Variants in PRKDC observed in about 807,000 individuals in gnomAD.
PRKDC encodes protein kinase, DNA-activated, catalytic subunit.
PRKDC carries 82 observed loss-of-function variants against 486.9 expected under a neutral mutation model. The ratio of observed to expected loss-of-function variants is 0.17; its 90% CI spans 0.14 to 0.20. The LOEUF (loss-of-function observed/expected upper bound fraction) is 0.20, where lower values mean the gene tolerates loss of function less well. PRKDC is among the 10% of genes least tolerant of loss of function. The pLI, the probability that PRKDC is intolerant of heterozygous loss-of-function variation, is 1.00. For synonymous variants in PRKDC, 1,895 were observed against 1,837.0 expected (o/e 1.03, Z -0.81); for missense variants, 4,504 against 5,038.2 (o/e 0.89, Z 3.21).
At position 47,900,355 on chromosome 8, in the gene PRKDC, C is replaced by CAG; in HGVS notation, c.3364+17_3364+18insCT. On this transcript the variant is annotated intron_variant, in intron 28 of 85. Coordinates refer to ENST00000314191, the MANE Select transcript of PRKDC (RefSeq NM_006904.7). ...CTTCAGACCTGTAACGCACACAGAACACTGAAGCAAAACGTACCTAAGGAC... is the reference window on the plus strand; with the variant it reads ...CTTCAGACCTGTAACGCACACAGAACAGACTGAAGCAAAACGTACCTAAGGAC... The CAG allele has an allele frequency of 1.9e-6, 3 of 1,586,498 alleles. No homozygotes were observed. The highest frequency in any genetic ancestry group is 2.6e-6 in the Non-Finnish European group (3 of 1,165,446).
chr8:47,924,384 C>A (rs11998483), intron 21 of PRKDC, among the ~76,000 whole-genome samples: 4,323 of 151,824 alleles, frequency 0.028, 212 homozygotes, highest in African/African-American at 0.097. Flanking sequence ...CATAGTGAGA[C>A]CCCCATCTCT....
At chr8:47,929,798 A>T in intron 18 of PRKDC, 55 bp downstream of exon 18, 1 of 1,480,904 alleles carries the variant, frequency 6.8e-7, no homozygotes, top group South Asian at 1.3e-5. Context: ...ATACATTTAT[A>T]TATACTCATG....
At chr8:47,870,266 C>T (rs1175063897) in intron 40 of PRKDC, among the ~76,000 whole-genome samples, 1 of 152,200 alleles carries the variant, frequency 6.6e-6, no homozygotes, top group East Asian at 1.9e-4. Flanking sequence ...TCAGGTCTGA[C>T]CTCATGCAGT....
Position 47,794,357 on chromosome 8 carries a change from T to C in PRKDC, c.10603A>G (p.Ile3535Val), listed in dbSNP as rs902880539. Reference protein sequence around the residue: ...YPQAIVYPFIISSESYSFKDT... With the variant: ...YPQAIVYPFIVSSESYSFKDT... ...TTGAAGGAATAGCTTTCGCTGCTTA[T>C]GATGAAGGGATAAACAATAGCCTGC... The change falls in exon 74 of 86, where the codon ATA (isoleucine) becomes GTA (valine). Residue 3535 changes from isoleucine (I) to valine (V), a missense_variant. Transcript: ENST00000314191. 1.2e-6 allele frequency: 2 copies of C among 1,613,854 alleles called. No individual in the cohort carries two copies. Among genetic ancestry groups the C allele is most frequent in the Admixed American group, 1.7e-5 (1 of 60,002 alleles).
intron 11 of PRKDC, among the ~76,000 whole-genome samples, chr8:47,938,665 G>T (rs924563204): frequency 1.3e-5 from 2 of 152,020 alleles, no homozygotes; most frequent in Non-Finnish European, 2.9e-5. Flanking sequence ...GAGTTTAAGA[G>T]ATTCTCCTGC....
chr8:47,878,877 A>G (rs756900170), intron 39 of PRKDC, among the ~76,000 whole-genome samples: 4 of 152,200 alleles, frequency 2.6e-5, no homozygotes, highest in Non-Finnish European at 5.9e-5. Flanking sequence ...ACACCAATGT[A>G]TTTCATGTCT....
intron 3 of PRKDC, among the ~76,000 whole-genome samples, chr8:47,956,460 G>C (rs1440102375): frequency 6.6e-6 from 1 of 151,508 alleles, no homozygotes; most frequent in Non-Finnish European, 1.5e-5. Flanking sequence ...TTTGGGAGGC[G>C]GAGACGGGAA....
chr8:47,959,575 G>A (rs924162203), intron 1 of PRKDC, among the ~76,000 whole-genome samples: 3 of 151,656 alleles, frequency 2.0e-5, no homozygotes, highest in Non-Finnish European at 2.9e-5. Flanking sequence ...GCTACTCGGG[G>A]GGCTGAGGCA....
intron 63 of PRKDC, among the ~76,000 whole-genome samples, chr8:47,825,364 C>T (rs2087711883): frequency 6.6e-6 from 1 of 151,988 alleles, no homozygotes; most frequent in Non-Finnish European, 1.5e-5. Flanking sequence ...CAAAAATTAG[C>T]TGGGCGTGGT....
rs923429474 is a variant in PRKDC at position 47,926,980 on chromosome 8, A to C, written c.2419+214T>G. The stretch of plus-strand genomic sequence containing the variant: ...ATTTTATAAATCTTAGTAAGCTATA[A>C]GTGAGTAAATGAAAAATTTTTTAAT... On this transcript the variant is annotated intron_variant, in intron 21 of 85. Coordinates refer to ENST00000314191, the MANE Select transcript of PRKDC (RefSeq NM_006904.7). The C allele has an allele frequency of 9.5e-6, 5 of 527,692 alleles. No homozygotes were observed. In the African/African-American group the frequency reaches 9.7e-5, roughly 10 times the overall value. 32.7% of individuals were successfully genotyped at this position (527,692 alleles called of 1,614,324 possible). A position where few individuals can be genotyped will look rare whatever the true frequency, so the allele number is the denominator to read the frequency against.
intron 7 of PRKDC, 122 bp downstream of exon 7, chr8:47,953,498 A>T: frequency 1.0e-6 from 1 of 977,862 alleles, no homozygotes; most frequent in Non-Finnish European, 1.6e-6. Flanking sequence ...AGGTCCCTCT[A>T]GATTATTTCT....
At position 47,798,410 on chromosome 8, in the gene PRKDC, C is replaced by T. The variant is rs746701055; in HGVS notation, c.10298-13G>A. The stretch of plus-strand genomic sequence containing the variant: ...GCAGAATCAATAACTATCAAGGACA[C>T]CAAAGAAGAAAGCAATGGTCAATGT... On this transcript the variant is annotated splice_polypyrimidine_tract_variant and intron_variant, in intron 72 of 85. Transcript: ENST00000314191. 3 of 1,564,800 alleles carry T rather than the reference C, an allele frequency of 1.9e-6. No individual in the cohort carries two copies. Among genetic ancestry groups the T allele is most frequent in the Non-Finnish European group, 2.6e-6 (3 of 1,158,062 alleles).
chr8:47,819,238 C>T (rs1211431396), intron 67 of PRKDC, among the ~76,000 whole-genome samples, 164 bp downstream of exon 67: 4 of 152,128 alleles, frequency 2.6e-5, no homozygotes, highest in Non-Finnish European at 1.5e-5. Context: ...CCATTTTAAA[C>T]ATTTATTTCA....
Position 47,794,389 on chromosome 8 carries a change from T to C in PRKDC, c.10571A>G (p.Asn3524Ser). 6.2e-7 allele frequency: 1 copy of C among 1,613,888 alleles called. No homozygotes were observed. The highest frequency in any genetic ancestry group is 8.5e-7 in the Non-Finnish European group (1 of 1,179,782). The change falls in exon 74 of 86, where the codon AAC (asparagine) becomes AGC (serine). Residue 3524 changes from asparagine (N) to serine (S), a missense_variant. Asn to Ser is a conservative substitution (Grantham distance 46). Around this residue, in one of 6 missense-constraint regions of PRKDC, gnomAD observed 706 missense variants for 945.0 expected, o/e 0.75. Transcript: ENST00000314191. ...VQHSVEEITD[N>S]YPQAIVYPFI... ...GGGATAAACAATAGCCTGCGGGTAG[T>C]TATCAGTGATTTCTTCCACAGAGTG...
intron 57 of PRKDC, 63 bp from the exon 58 acceptor site, chr8:47,836,590 A>T: frequency 7.4e-7 from 1 of 1,358,622 alleles, no homozygotes; most frequent in African/African-American, 1.4e-5. Context: ...CTTTTTTAGG[A>T]ACACTGATAT....
chr8:47,881,095 CAAGCAAGCAAGA>C, intron 38 of PRKDC, among the ~76,000 whole-genome samples: 1 of 149,398 alleles, frequency 6.7e-6, no homozygotes, highest in African/African-American at 2.5e-5. Context: ...AGAAAGCAAG[CAAGCAAGCAAGA>C]AAGAAAGAAA....
At chr8:47,928,325 G>A (rs558370825) in intron 19 of PRKDC, among the ~76,000 whole-genome samples, 2 of 151,706 alleles carry the variant, frequency 1.3e-5, no homozygotes, top group African/African-American at 4.8e-5. Flanking sequence ...CTAATTTTTT[G>A]TATTTTTAGT....
chr8:47,919,706 G>T (rs1270578873), intron 21 of PRKDC, among the ~76,000 whole-genome samples: 1 of 149,568 alleles, frequency 6.7e-6, no homozygotes. Flanking sequence ...GATGATAAGA[G>T]AATCCAGTTT....
At chr8:47,959,592 T>C (rs2090776619) in intron 1 of PRKDC, among the ~76,000 whole-genome samples, 1 of 151,226 alleles carries the variant, frequency 6.6e-6, no homozygotes, top group South Asian at 2.1e-4. Flanking sequence ...GGCAGGAGAA[T>C]AGCTTGAACC....
Sources: allele counts gnomAD v4.1 joint callset (sites outside exome capture counted in the v4.1 genomes callset), GRCh38; gene constraint gnomAD v4.1.1; regional missense constraint gnomAD v4.1.1; transcripts MANE v1.5; gene names NCBI Gene and HGNC (gene_info 2026-07-23, HGNC 2026-07-21).